RIMS2: variants seen among roughly 807,000 people sequenced by gnomAD.
RIMS2 encodes the protein regulating synaptic membrane exocytosis protein 2.
RIMS2 carries 59 observed loss-of-function variants against 174.4 expected under a neutral mutation model. The observed-to-expected ratio is 0.34, with a 90% CI of 0.27 to 0.42. The LOEUF (loss-of-function observed/expected upper bound fraction) is 0.42, where lower values mean the gene tolerates loss of function less well. RIMS2 is among the 10% of genes least tolerant of loss of function. The probability of loss-of-function intolerance (pLI) is 1.00; values close to 1 mark genes in which losing one functional copy is unlikely to be tolerated. For synonymous variants in RIMS2, 606 were observed against 572.5 expected (o/e 1.06, Z -0.84); for missense variants, 1,620 against 1,666.3 (o/e 0.97, Z 0.48).
At chr8:103,954,318 C>G (rs1464277038) in intron 14 of RIMS2, among the ~76,000 whole-genome samples, 1 of 152,182 alleles carries the variant, frequency 6.6e-6, no homozygotes, top group Non-Finnish European at 1.5e-5. Context: ...AGCACCACAT[C>G]ACACTTATTC....
chr8:103,996,220 A>G (rs1053002804), intron 17 of RIMS2, among the ~76,000 whole-genome samples: 24 of 151,934 alleles, frequency 1.6e-4, no homozygotes, highest in Admixed American at 1.1e-3. Flanking sequence ...CTCTTTAGCC[A>G]GCATCATCCT....
At chr8:103,546,965 G>A (rs1348541515) in intron 1 of RIMS2, among the ~76,000 whole-genome samples, 1 of 151,040 alleles carries the variant, frequency 6.6e-6, no homozygotes, top group African/African-American at 2.4e-5. Context: ...CTTGAGTTAT[G>A]CGGTGCCTCA....
intron 1 of RIMS2, among the ~76,000 whole-genome samples, chr8:103,559,593 AT>A: frequency 6.6e-6 from 1 of 152,312 alleles, no homozygotes; most frequent in East Asian, 1.9e-4. Flanking sequence ...TCTTTTCCTA[AT>A]GACACTGTCA....
intron 1 of RIMS2, among the ~76,000 whole-genome samples, chr8:103,663,243 T>C (rs2096626139): frequency 6.6e-6 from 1 of 152,112 alleles, no homozygotes; most frequent in Non-Finnish European, 1.5e-5. Context: ...ACAGTTTTAG[T>C]TATGGTGGCA....
intron 1 of RIMS2, among the ~76,000 whole-genome samples, chr8:103,564,031 G>T (rs2092003338): frequency 6.6e-6 from 1 of 152,166 alleles, no homozygotes; most frequent in Non-Finnish European, 1.5e-5. Flanking sequence ...TTTGGGTGGG[G>T]ATGCAATCAA....
intron 1 of RIMS2, among the ~76,000 whole-genome samples, chr8:103,607,514 G>A (rs1053112707): frequency 7.3e-5 from 11 of 150,248 alleles, no homozygotes; most frequent in East Asian, 3.9e-4. Flanking sequence ...TCTTTGTGTC[G>A]TTCTCTGTTT....
intron 1 of RIMS2, among the ~76,000 whole-genome samples, chr8:103,626,839 A>G (rs1017133967): frequency 2.0e-5 from 3 of 152,154 alleles, no homozygotes; most frequent in Non-Finnish European, 2.9e-5. Context: ...GGGGGGGTGT[A>G]CAAACAGGAA....
intron 19 of RIMS2, among the ~76,000 whole-genome samples, chr8:104,214,722 G>A (rs973906040): frequency 2.0e-5 from 3 of 152,150 alleles, no homozygotes; most frequent in African/African-American, 7.2e-5. Flanking sequence ...TTACAGGTGT[G>A]AGCCACCTCG....
At chr8:103,992,926 C>A in intron 17 of RIMS2, among the ~76,000 whole-genome samples, 1 of 152,080 alleles carries the variant, frequency 6.6e-6, no homozygotes, top group Non-Finnish European at 1.5e-5. Context: ...TTTCCTGAGG[C>A]AGACTATGTG....
At chr8:104,049,847 T>C (rs375153921) in intron 19 of RIMS2, among the ~76,000 whole-genome samples, 9 of 152,352 alleles carry the variant, frequency 5.9e-5, no homozygotes, top group African/African-American at 2.2e-4. Flanking sequence ...TTTCATTAAA[T>C]GTCTAGCAGG....
intron 19 of RIMS2, among the ~76,000 whole-genome samples, chr8:104,081,337 A>G (rs2097416947): frequency 2.0e-5 from 3 of 152,066 alleles, no homozygotes; most frequent in Admixed American, 6.5e-5. Flanking sequence ...CTTTTATTCA[A>G]TAGAACATAA....
chr8:104,136,653 T>C lies in RIMS2; in HGVS notation c.3335-108263T>C, dbSNP rs184759985. The stretch of plus-strand genomic sequence containing the variant: ...TTCAATCATGTCCTTTGCAGGGACA[T>C]GGATAGAGCTGGAGGCCATTATCCT... On this transcript the variant is annotated intron_variant, in intron 19 of 23. Transcript: ENST00000504942. Among the ~76,000 whole-genome samples, 5 of 152,272 alleles carry C rather than the reference T, an allele frequency of 3.3e-5. No individual in the cohort carries two copies. In the East Asian group the frequency reaches 9.7e-4, roughly 29 times the overall value.
At chr8:103,739,128 C>G (rs934570939) in intron 2 of RIMS2, among the ~76,000 whole-genome samples, 1 of 152,096 alleles carries the variant, frequency 6.6e-6, no homozygotes, top group Admixed American at 6.5e-5. Flanking sequence ...TGGAACCAAC[C>G]CAAATGTCCA....
At chr8:103,925,668 A>G (rs1263188905) in intron 10 of RIMS2, among the ~76,000 whole-genome samples, 2 of 151,596 alleles carry the variant, frequency 1.3e-5, no homozygotes, top group African/African-American at 2.4e-5. Context: ...AGTAATTACA[A>G]ATTACAGTGA....
chr8:103,501,218 T>A (rs1056145698), intron 1 of RIMS2, among the ~76,000 whole-genome samples, 156 bp downstream of exon 1: 2 of 151,454 alleles, frequency 1.3e-5, no homozygotes, highest in African/African-American at 4.8e-5. Flanking sequence ...GCCCGGGCTG[T>A]TTTAGGGGTG....
At chr8:104,095,475 A>T (rs1289221968) in intron 19 of RIMS2, among the ~76,000 whole-genome samples, 1 of 152,160 alleles carries the variant, frequency 6.6e-6, no homozygotes, top group Non-Finnish European at 1.5e-5. Flanking sequence ...GCAGGGAAAA[A>T]ATACAGGCAG....
chr8:104,180,087 T>C (rs1310456217), intron 19 of RIMS2, among the ~76,000 whole-genome samples: 1 of 151,830 alleles, frequency 6.6e-6, no homozygotes, highest in Non-Finnish European at 1.5e-5. Flanking sequence ...ACTGCATAGA[T>C]TTAATGTAAT....
intron 19 of RIMS2, among the ~76,000 whole-genome samples, chr8:104,020,981 A>T (rs2096070983): frequency 6.6e-6 from 1 of 152,070 alleles, no homozygotes; most frequent in East Asian, 1.9e-4. Flanking sequence ...ATAATCAAAT[A>T]TGTCTACATA....
chr8:103,634,754 T>TCTTTAC (rs1295845382), intron 1 of RIMS2, among the ~76,000 whole-genome samples: 1 of 152,246 alleles, frequency 6.6e-6, no homozygotes, highest in African/African-American at 2.4e-5. Context: ...TGAATTGAAC[T>TCTTTAC]CTTTACCGTT....
Sources: gnomAD v4.1 joint callset for allele counts (sites outside exome capture counted in the v4.1 genomes callset) on GRCh38, gnomAD v4.1.1 for gene constraint, MANE v1.5 for transcripts, NCBI Gene and HGNC (gene_info 2026-07-23, HGNC 2026-07-21) for gene names.